The following AUTS2 variants were observed in gnomAD, a reference collection of about 807,000 sequenced individuals.
AUTS2 encodes the protein autism susceptibility gene 2 protein.
Under a neutral mutation model 112.4 loss-of-function variants are expected in AUTS2, and 17 were observed. The ratio of observed to expected loss-of-function variants is 0.15; its 90% CI spans 0.10 to 0.23. The LOEUF is 0.23. Among genes scored for constraint, AUTS2 ranks in the 10% least tolerant of loss-of-function variants. The pLI, the probability that AUTS2 is intolerant of heterozygous loss-of-function variation, is 1.00. For missense variants in AUTS2, 1,510 were observed against 1,701.6 expected, an observed-to-expected ratio of 0.89 and a Z score of 1.98; for synonymous variants, 751 against 702.7, an observed-to-expected ratio of 1.07 and a Z score of -1.09.
At chr7:70,435,200 A>G (rs910951109) in intron 4 of AUTS2, among the ~76,000 whole-genome samples, 1 of 152,230 alleles carries the variant, frequency 6.6e-6, no homozygotes, top group Non-Finnish European at 1.5e-5. Flanking sequence ...AAAGGCAGCC[A>G]TCACAAGTGG....
chr7:70,472,812 A>C (rs990256283), intron 5 of AUTS2, among the ~76,000 whole-genome samples: 2 of 152,236 alleles, frequency 1.3e-5, no homozygotes, highest in African/African-American at 4.8e-5. Context: ...GACGTCACAG[A>C]AAGGGCCTCA....
chr7:70,279,003 A>G (rs1289438508), intron 4 of AUTS2, among the ~76,000 whole-genome samples: 1 of 152,200 alleles, frequency 6.6e-6, no homozygotes, highest in East Asian at 1.9e-4. Context: ...ACTCAAAATC[A>G]TTTTATTGGA....
At chr7:69,670,206 T>C (rs2129153825) in intron 1 of AUTS2, among the ~76,000 whole-genome samples, 1 of 152,256 alleles carries the variant, frequency 6.6e-6, no homozygotes, top group South Asian at 2.1e-4. Context: ...AATGACCTTT[T>C]CATGCACAGC....
chr7:69,744,032 T>C (rs529818929), intron 1 of AUTS2, among the ~76,000 whole-genome samples: 1 of 152,064 alleles, frequency 6.6e-6, no homozygotes, highest in South Asian at 2.1e-4. Flanking sequence ...GAACTCCTAG[T>C]GTTAATTGAG....
chr7:70,685,662 G>A (rs1030811104), intron 5 of AUTS2, among the ~76,000 whole-genome samples: 1 of 151,994 alleles, frequency 6.6e-6, no homozygotes, highest in African/African-American at 2.4e-5. Flanking sequence ...GCATCCAACT[G>A]AGGAACATCT....
chr7:69,901,055 G>A (rs1417727054), intron 2 of AUTS2, among the ~76,000 whole-genome samples: 2 of 152,148 alleles, frequency 1.3e-5, no homozygotes, highest in Admixed American at 1.3e-4. Flanking sequence ...CCAGGGTTTA[G>A]ACCCAGATAT....
intron 2 of AUTS2, among the ~76,000 whole-genome samples, chr7:69,944,548 A>G (rs1399290118): frequency 4.6e-5 from 7 of 152,220 alleles, no homozygotes; most frequent in African/African-American, 1.4e-4. Context: ...GAATTTCACT[A>G]TAGTAACCGA....
intron 2 of AUTS2, among the ~76,000 whole-genome samples, chr7:70,078,627 A>G (rs2129564270): frequency 6.6e-6 from 1 of 152,280 alleles, no homozygotes; most frequent in East Asian, 1.9e-4. Context: ...ATAATGTTTT[A>G]ATAGAATAAA....
intron 5 of AUTS2, among the ~76,000 whole-genome samples, chr7:70,652,271 A>C (rs918067717): frequency 6.6e-6 from 1 of 152,200 alleles, no homozygotes; most frequent in African/African-American, 2.4e-5. Flanking sequence ...AAACAGAATT[A>C]AGCCACAGCA....
intron 5 of AUTS2, among the ~76,000 whole-genome samples, chr7:70,697,021 C>G (rs756979041): frequency 2.0e-5 from 3 of 152,294 alleles, no homozygotes; most frequent in South Asian, 4.1e-4. Context: ...AGCTGGGAAA[C>G]TCACAGTCCT....
chr7:70,677,468 AT>A (rs1807974317), intron 5 of AUTS2, among the ~76,000 whole-genome samples: 1 of 152,110 alleles, frequency 6.6e-6, no homozygotes, highest in African/African-American at 2.4e-5. Context: ...ACATCTTAGC[AT>A]CGCCCTTTGT....
At chr7:70,349,402 C>T (rs1293843105) in intron 4 of AUTS2, among the ~76,000 whole-genome samples, 1 of 152,190 alleles carries the variant, frequency 6.6e-6, no homozygotes, top group Non-Finnish European at 1.5e-5. Flanking sequence ...ATATTTGGAA[C>T]ATCTTACTGG....
chr7:70,379,802 C>T (rs529268295), intron 4 of AUTS2, among the ~76,000 whole-genome samples: 522 of 152,262 alleles, frequency 3.4e-3, no homozygotes, highest in Non-Finnish European at 6.0e-3. Context: ...TTGAAGTGTT[C>T]TAAGAACTTC....
chr7:70,138,762 G>T (rs1458411910), intron 4 of AUTS2, among the ~76,000 whole-genome samples: 4 of 152,152 alleles, frequency 2.6e-5, no homozygotes, highest in African/African-American at 9.7e-5. Context: ...GACGGGATTT[G>T]TATAATTATT....
chr7:70,648,559 TG>T (rs1255822645), intron 5 of AUTS2, among the ~76,000 whole-genome samples: 1 of 152,124 alleles, frequency 6.6e-6, no homozygotes, highest in Non-Finnish European at 1.5e-5. Flanking sequence ...AAACAGAATT[TG>T]TTTTGGTTTT....
rs530682524 is a variant in AUTS2 at position 70,227,774 on chromosome 7, A to G, written c.660+93203A>G. ...CAGATTTTCTTGTTGTTTGTTTCTA[A>G]TTTAATTAGCAATACAGAAAATATA... is the stretch of plus-strand genomic sequence containing the variant. On this transcript the variant is annotated intron_variant, in intron 4 of 18. Coordinates refer to ENST00000342771, the MANE Select transcript of AUTS2 (RefSeq NM_015570.4). Among the ~76,000 whole-genome samples the G allele has an allele frequency of 1.6e-4, 24 of 152,162 alleles. 1 individual carries two copies. In the South Asian group the frequency reaches 4.8e-3, roughly 30 times the overall value.
chr7:70,421,581 G>A (rs2130689080), intron 4 of AUTS2, among the ~76,000 whole-genome samples: 1 of 152,270 alleles, frequency 6.6e-6, no homozygotes, highest in South Asian at 2.1e-4. Flanking sequence ...TGAAGTGCTG[G>A]TCCATTTCTC....
At chr7:69,622,842 T>C (rs1793739811) in intron 1 of AUTS2, among the ~76,000 whole-genome samples, 1 of 152,232 alleles carries the variant, frequency 6.6e-6, no homozygotes, top group Admixed American at 6.5e-5. Context: ...TCTGCGAACC[T>C]TTTCCAAATA....
rs75127724 is a variant in AUTS2, at chr7:70,277,766, G to C, written c.660+143195G>C. On this transcript the variant is annotated intron_variant, in intron 4 of 18. Coordinates refer to ENST00000342771, the MANE Select transcript of AUTS2 (RefSeq NM_015570.4). ...CTAGATTTCTGTTTTTTGTTGTTGT[G>C]TATGTCAGGGCCCAGACTATGTAAA... 2.9e-3 allele frequency among the ~76,000 whole-genome samples: 437 copies of C among 152,236 alleles called. 1 individual carries two copies. Among genetic ancestry groups the C allele is most frequent in the African/African-American group, 9.7e-3 (402 of 41,564 alleles).
Sources: gnomAD v4.1 joint callset for allele counts (sites outside exome capture counted in the v4.1 genomes callset) on GRCh38, gnomAD v4.1.1 for gene constraint, MANE v1.5 for transcripts, NCBI Gene and HGNC (gene_info 2026-07-23, HGNC 2026-07-21) for gene names.